The following LGI1 variants were observed in gnomAD, a reference collection of about 807,000 sequenced individuals.
LGI1 encodes leucine rich glioma inactivated 1.
Under a neutral mutation model 57.7 loss-of-function variants are expected in LGI1, and 11 were observed. That is an observed-to-expected ratio of 0.19 (90% CI 0.12 to 0.32). The LOEUF (loss-of-function observed/expected upper bound fraction) is 0.32, where lower values mean the gene tolerates loss of function less well. Ranked by LOEUF, LGI1 falls within the 10% of genes least tolerant of loss-of-function variation. The pLI is 1.00. For missense variants in LGI1, 422 were observed against 661.9 expected (o/e 0.64, Z 3.98); for synonymous variants, 222 against 241.9 (o/e 0.92, Z 0.76).
intron 2 of LGI1, among the ~76,000 whole-genome samples, chr10:93,774,887 T>C (rs2059778043): frequency 6.6e-6 from 1 of 152,168 alleles, no homozygotes. Context: ...GTATAGAATA[T>C]GATGTAGGAG....
chr10:93,774,746 G>A (rs915347249), intron 2 of LGI1, among the ~76,000 whole-genome samples: 78 of 152,288 alleles, frequency 5.1e-4, no homozygotes, highest in African/African-American at 1.8e-3. Flanking sequence ...GGTGGGGTGG[G>A]TTGGGCACGG....
At chr10:93,766,435 G>A (rs1408132071) in intron 2 of LGI1, among the ~76,000 whole-genome samples, 4 of 151,808 alleles carry the variant, frequency 2.6e-5, no homozygotes, top group Admixed American at 2.0e-4. Context: ...TACAAGCCAC[G>A]CAATAAAACC....
rs1194691936 is a variant in LGI1, at chr10:93,777,391, G to A, written c.300G>A (p.Ser100=). 4.3e-6 allele frequency: 7 copies of A among 1,613,514 alleles called. No individual in the cohort carries two copies. Among genetic ancestry groups the A allele is most frequent in the Admixed American group, 1.7e-5 (1 of 59,986 alleles). ...TPSLQLLLFT[S]NSFDVISDDA... ...TTTTTCTGGGCAGGTTATTCACATC[G>A]AACTCCTTTGATGTGATCAGTGATG... Residue 100 remains serine (S), a synonymous_variant, in exon 3 of 8, where the codon TCG becomes TCA. Coordinates refer to ENST00000371418, the MANE Select transcript of LGI1 (RefSeq NM_005097.4).
intron 5 of LGI1, chr10:93,792,301 A>T (rs2059943450): frequency 5.8e-6 from 1 of 171,068 alleles, no homozygotes; most frequent in African/African-American, 2.4e-5. Flanking sequence ...ATAAAAAAGG[A>T]ATGTAAAATA....
At position 93,797,189 on chromosome 10, in the gene LGI1, G is replaced by T. The variant is rs1438643979; in HGVS notation, c.1060G>T (p.Ala354Ser). 4 of 1,614,170 alleles carry T rather than the reference G, an allele frequency of 2.5e-6. No homozygotes were observed. In the Admixed American group the frequency reaches 6.7e-5, roughly 27 times the overall value. Reference protein sequence around the residue: ...WYFVVADSSKAGFTTIYKWNG... With the variant: ...WYFVVADSSKSGFTTIYKWNG... ...CTTTGTTGTTGCTGACAGTTCAAAA[G>T]CTGGTTTTACTACCATTTACAAATG... The change falls in exon 8 of 8, where the codon GCT becomes TCT. Residue 354 changes from alanine to serine, a missense_variant. This residue lies in a region of LGI1 where 301 missense variants were observed against 461.7 expected (regional missense o/e 0.65). Transcript: ENST00000371418. This position sits in a 1 kb window ranked among gnomAD's most constrained non-coding sequence, Gnocchi z 6.5.
At chr10:93,781,491 G>A (rs142683041) in intron 4 of LGI1, among the ~76,000 whole-genome samples, 118 of 152,222 alleles carry the variant, frequency 7.8e-4, no homozygotes, top group African/African-American at 2.7e-3. Flanking sequence ...AAAAGGGAGA[G>A]AGACTTCTTA....
intron 2 of LGI1, among the ~76,000 whole-genome samples, chr10:93,774,195 C>T (rs1043935803): frequency 2.6e-5 from 4 of 152,150 alleles, no homozygotes; most frequent in Non-Finnish European, 5.9e-5. Context: ...GGCAAGCTTA[C>T]CATGTGCAAC....
intron 2 of LGI1, chr10:93,770,850 A>T (rs2059729517): frequency 6.6e-6 from 1 of 152,222 alleles, no homozygotes; most frequent in South Asian, 2.1e-4. Flanking sequence ...CATTGAAATC[A>T]AATACGCAAT....
chr10:93,783,751 C>G (rs887743530), intron 4 of LGI1, among the ~76,000 whole-genome samples: 6 of 152,210 alleles, frequency 3.9e-5, no homozygotes, highest in Admixed American at 3.9e-4. Flanking sequence ...GTGGCTCATG[C>G]TTGTAATCCC....
At chr10:93,763,207 CT>C (rs1449168310) in intron 2 of LGI1, 2 of 152,272 alleles carry the variant, frequency 1.3e-5, no homozygotes, top group East Asian at 1.9e-4. Flanking sequence ...GACACCTGAG[CT>C]GGCATCCATA....
chr10:93,764,949 T>C (rs1457566970), intron 2 of LGI1: 2 of 152,240 alleles, frequency 1.3e-5, no homozygotes, highest in Non-Finnish European at 2.9e-5. Context: ...ATCTTTTCTT[T>C]AAATACTTCT....
chr10:93,788,288 T>C (rs2059907111), intron 4 of LGI1: 1 of 152,196 alleles, frequency 6.6e-6, no homozygotes, highest in African/African-American at 2.4e-5. Flanking sequence ...AGCATTTTAT[T>C]AATTTTGCTG....
At chr10:93,781,862 AT>A (rs1370894750) in intron 4 of LGI1, among the ~76,000 whole-genome samples, 1 of 152,158 alleles carries the variant, frequency 6.6e-6, no homozygotes, top group African/African-American at 2.4e-5. Flanking sequence ...ATGCATATAT[AT>A]AAATATTTGG....
chr10:93,764,470 G>T (rs1454962497), intron 2 of LGI1: 1 of 152,134 alleles, frequency 6.6e-6, no homozygotes, highest in Admixed American at 6.5e-5. Flanking sequence ...ATGCTTGCTG[G>T]TTGTTGATCC....
In LGI1 at chr10:93,792,975, G is replaced by A. The variant is rs922256526; in HGVS notation, c.673+63G>A. 6.7e-6 allele frequency: 10 copies of A among 1,491,920 alleles called. No homozygotes were observed. In the African/African-American group the frequency reaches 8.4e-5, roughly 13 times the overall value. The allele number at this position is 1,491,920 out of a possible 1,614,324, so 92.4% of individuals were successfully genotyped here. A position where few individuals can be genotyped will look rare whatever the true frequency, so the allele number is the denominator to read the frequency against. On this transcript the variant is annotated intron_variant, in intron 6 of 7. Coordinates refer to ENST00000371418, the MANE Select transcript of LGI1 (RefSeq NM_005097.4). The stretch of plus-strand genomic sequence containing the variant: ...AATAAGGGCTACCTTTTTTTTTCAT[G>A]TGCAGGAACTGATATTTTTTATATC...
chr10:93,786,870 G>T (rs535212451), intron 4 of LGI1, among the ~76,000 whole-genome samples: 6 of 152,100 alleles, frequency 3.9e-5, no homozygotes, highest in Non-Finnish European at 7.4e-5. Context: ...CTGGGATTAC[G>T]GGCGTGAGCC....
rs944014314 is a variant in LGI1, at chr10:93,777,198, G to A, written c.288-181G>A. On this transcript the variant is annotated intron_variant, in intron 2 of 7. Coordinates refer to ENST00000371418, the MANE Select transcript of LGI1 (RefSeq NM_005097.4). ...AGGCACCCCTTGATGAGCCTTTGAT[G>A]AGGAGATGATTAGGAGTAAAAAAAT... 7.9e-5 allele frequency: 52 copies of A among 657,306 alleles called. No individual in the cohort carries two copies. The South Asian group carries it at 8.6e-4, about 11-fold the overall frequency. 40.7% of individuals were successfully genotyped at this position (657,306 alleles called of 1,614,324 possible).
chr10:93,797,762 A>G lies in LGI1; in HGVS notation c.1633A>G (p.Thr545Ala). 6.2e-7 allele frequency: 1 copy of G among 1,605,454 alleles called. No individual in the cohort carries two copies. Among genetic ancestry groups the G allele is most frequent in the East Asian group, 2.2e-5 (1 of 44,892 alleles). Residue 545 changes from threonine (T) to alanine (A), a missense_variant, in exon 8 of 8, where the codon ACA becomes GCA. Physicochemically the swap from Thr to Ala is moderately conservative, Grantham distance 58. This residue lies in a region of LGI1 where 301 missense variants were observed against 461.7 expected (regional missense o/e 0.65). Transcript: ENST00000371418. The surrounding 1 kb of genome is among the most constrained non-coding windows in gnomAD (Gnocchi z 6.5). ...TTTTGCTTCCAGTTTTAAGGGAAATACACAGATTTACAAACATGTCATAGT... is the reference window on the plus strand; with the variant it reads ...TTTTGCTTCCAGTTTTAAGGGAAATGCACAGATTTACAAACATGTCATAGT... ...FLFASSFKGN[T>A]QIYKHVIVDL...
intron 2 of LGI1, among the ~76,000 whole-genome samples, chr10:93,776,490 C>A (rs2059795720): frequency 6.6e-6 from 1 of 152,102 alleles, no homozygotes. Context: ...TCCTGTAGTT[C>A]ACAGGTTCAG....
Sources: gnomAD v4.1 joint callset for allele counts (sites outside exome capture counted in the v4.1 genomes callset) on GRCh38, gnomAD v4.1.1 for gene constraint, gnomAD v4.1.1 regional missense constraint, Gnocchi (gnomAD v3.1) non-coding constraint, MANE v1.5 for transcripts, NCBI Gene and HGNC (gene_info 2026-07-23, HGNC 2026-07-21) for gene names.